ZBTB20: variants seen among roughly 807,000 people sequenced by gnomAD.
ZBTB20 encodes the protein zinc finger and BTB domain-containing protein 20.
Under a neutral mutation model 56.9 loss-of-function variants are expected in ZBTB20, and 9 were observed. The ratio of observed to expected loss-of-function variants is 0.16; its 90% CI spans 0.10 to 0.28. The LOEUF (loss-of-function observed/expected upper bound fraction) is 0.28. ZBTB20 is among the 10% of genes least tolerant of loss of function. ZBTB20 has a pLI of 1.00. For synonymous variants in ZBTB20, 417 were observed against 420.7 expected, an observed-to-expected ratio of 0.99 and a Z score of 0.11; for missense variants, 655 against 1,003.0, an observed-to-expected ratio of 0.65 and a Z score of 4.69.
chr3:114,469,699 A>G (rs757129388), intron 7 of ZBTB20, among the ~76,000 whole-genome samples: 1 of 152,196 alleles, frequency 6.6e-6, no homozygotes, highest in African/African-American at 2.4e-5. Flanking sequence ...TTGACATCTG[A>G]GTGAAAAATC....
At chr3:115,061,895 A>G (rs1156336975) in intron 2 of ZBTB20, among the ~76,000 whole-genome samples, 1 of 152,118 alleles carries the variant, frequency 6.6e-6, no homozygotes. Flanking sequence ...TTTTTTGTTC[A>G]GGCAGCAAGC....
At chr3:114,785,827 T>C (rs1560247578) in intron 5 of ZBTB20, among the ~76,000 whole-genome samples, 1 of 152,164 alleles carries the variant, frequency 6.6e-6, no homozygotes, top group Non-Finnish European at 1.5e-5. Flanking sequence ...ATTTAATGGA[T>C]GCAAGTCAGT....
rs71633347 is a variant in ZBTB20 at position 114,329,737 on chromosome 3, A to AAG, written c.*9267_*9268insCT. 1 of 132,060 alleles carries AAG rather than the reference A, an allele frequency of 7.6e-6. No homozygotes were observed. Among genetic ancestry groups the AAG allele is most frequent in the African/African-American group, 2.7e-5 (1 of 37,438 alleles). 8.2% of individuals were successfully genotyped at this position (132,060 alleles called of 1,614,324 possible). ...AAAAAAAAAAAAAAAAAAAAAAAAA[A>AAG]CAACTCCCAGGAAAATGAACACTAT... On this transcript the variant is annotated 3_prime_UTR_variant, in exon 12 of 12. Coordinates refer to ENST00000675478, the MANE Select transcript of ZBTB20 (RefSeq NM_001348800.3).
At chr3:115,117,736 T>C (rs2084061234) in intron 1 of ZBTB20, among the ~76,000 whole-genome samples, 1 of 152,304 alleles carries the variant, frequency 6.6e-6, no homozygotes, top group African/African-American at 2.4e-5. Flanking sequence ...CTCACAAGTT[T>C]TCCTGTCAAA....
chr3:114,391,867 T>A (rs1477062554), intron 7 of ZBTB20, among the ~76,000 whole-genome samples: 1 of 152,170 alleles, frequency 6.6e-6, no homozygotes, highest in Non-Finnish European at 1.5e-5. Flanking sequence ...GGCCACAGAC[T>A]AATATTTATC....
chr3:114,911,573 A>G (rs926101174), intron 3 of ZBTB20, among the ~76,000 whole-genome samples: 3 of 151,998 alleles, frequency 2.0e-5, no homozygotes, highest in Admixed American at 2.0e-4. Context: ...TATATTCCAT[A>G]AAAAAAGGAC....
At chr3:114,380,550 G>A (rs1376335861) in intron 9 of ZBTB20, 146 bp from the exon 10 acceptor site, 1 of 1,233,016 alleles carries the variant, frequency 8.1e-7, no homozygotes, top group South Asian at 1.6e-5. Context: ...AAAACAAGCT[G>A]ATTCTTGTTT....
rs184906305 is a variant in ZBTB20 at position 114,665,116 on chromosome 3, G to A, written c.-295+28412C>T. Among the ~76,000 whole-genome samples the A allele has an allele frequency of 3.9e-5, 6 of 152,156 alleles. No individual in the cohort carries two copies. In the East Asian group the frequency reaches 7.7e-4, roughly 20 times the overall value. On this transcript the variant is annotated intron_variant, in intron 6 of 11. Transcript: ENST00000675478. Reference sequence around the variant, plus strand: ...AAATATTCAAATACAGTCGTTTGCCGTGTAATGACATTTTGGTCAACAATG... The same window carrying A: ...AAATATTCAAATACAGTCGTTTGCCATGTAATGACATTTTGGTCAACAATG...
intron 2 of ZBTB20, among the ~76,000 whole-genome samples, chr3:115,015,972 C>A (rs979434785): frequency 1.3e-5 from 2 of 151,940 alleles, no homozygotes; most frequent in South Asian, 2.1e-4. Context: ...CGCAACCTCA[C>A]CAGCATCTGT....
chr3:115,008,355 C>T (rs1474344548), intron 2 of ZBTB20, among the ~76,000 whole-genome samples: 1 of 151,698 alleles, frequency 6.6e-6, no homozygotes, highest in Non-Finnish European at 1.5e-5. Flanking sequence ...CTACAGTTGC[C>T]CTGTAATCTG....
At chr3:115,032,849 A>G (rs1330707514) in intron 2 of ZBTB20, among the ~76,000 whole-genome samples, 1 of 151,288 alleles carries the variant, frequency 6.6e-6, no homozygotes, top group Non-Finnish European at 1.5e-5. Flanking sequence ...ATCAAAACTT[A>G]AGAAACACAG....
At chr3:114,530,793 A>T (rs2047758306) in intron 6 of ZBTB20, among the ~76,000 whole-genome samples, 1 of 151,970 alleles carries the variant, frequency 6.6e-6, no homozygotes, top group African/African-American at 2.4e-5. Context: ...TTTCAGTTTT[A>T]TTTTTTAATT....
At chr3:114,555,890 C>A (rs780725916) in intron 6 of ZBTB20, among the ~76,000 whole-genome samples, 1 of 152,088 alleles carries the variant, frequency 6.6e-6, no homozygotes, top group Non-Finnish European at 1.5e-5. Context: ...CATGTGAGTA[C>A]TAGATTTGGA....
intron 5 of ZBTB20, among the ~76,000 whole-genome samples, chr3:114,765,197 A>G (rs137928439): frequency 1.3e-5 from 2 of 152,186 alleles, no homozygotes; most frequent in African/African-American, 2.4e-5. Context: ...AATAGTGTTC[A>G]TAATTATTAT....
At chr3:114,618,273 A>C (rs1378497773) in intron 6 of ZBTB20, among the ~76,000 whole-genome samples, 1 of 134,014 alleles carries the variant, frequency 7.5e-6, no homozygotes, top group Non-Finnish European at 1.6e-5. Context: ...TTTTTGAGAC[A>C]CAGTCTTGCT....
chr3:114,651,198 G>C (rs2060110658), intron 6 of ZBTB20, among the ~76,000 whole-genome samples: 1 of 151,992 alleles, frequency 6.6e-6, no homozygotes, highest in Admixed American at 6.6e-5. Context: ...GGTATTAAGT[G>C]CTTTAATAAA....
At chr3:114,591,634 G>A (rs533763737) in intron 6 of ZBTB20, among the ~76,000 whole-genome samples, 42 of 152,256 alleles carry the variant, frequency 2.8e-4, no homozygotes, top group African/African-American at 9.9e-4. Context: ...ACAGCTATAT[G>A]GAATTCTCTA....
chr3:114,414,596 T>C (rs6787896), intron 7 of ZBTB20, among the ~76,000 whole-genome samples: 110,580 of 151,730 alleles, frequency 0.73, 43,499 homozygotes, highest in East Asian at 0.91. Flanking sequence ...AACAAACCTT[T>C]CAAAATTATT....
chr3:114,379,806 T>C (rs1478649312), intron 10 of ZBTB20, among the ~76,000 whole-genome samples: 1 of 152,210 alleles, frequency 6.6e-6, no homozygotes, highest in Non-Finnish European at 1.5e-5. Context: ...AATGCAAATC[T>C]GACTTGTGTT....
Sources: allele counts gnomAD v4.1 joint callset (sites outside exome capture counted in the v4.1 genomes callset), GRCh38; gene constraint gnomAD v4.1.1; transcripts MANE v1.5; gene names NCBI Gene and HGNC (gene_info 2026-07-23, HGNC 2026-07-21).